Variants in MBTPS1 observed in about 807,000 individuals in gnomAD.
The protein encoded by MBTPS1 is membrane-bound transcription factor site-1 protease.
Under a neutral mutation model 127.8 loss-of-function variants are expected in MBTPS1, and 94 were observed. The observed-to-expected ratio is 0.74, with a 90% CI of 0.62 to 0.87. MBTPS1 has a LOEUF of 0.87. MBTPS1 is among the 40% of genes least tolerant of loss of function. The pLI is 0.00. For missense variants in MBTPS1, 1,636 were observed against 1,353.2 expected, an observed-to-expected ratio of 1.21 and a Z score of -3.28; for synonymous variants, 632 against 509.4, an observed-to-expected ratio of 1.24 and a Z score of -3.24.
intron 1 of MBTPS1, among the ~76,000 whole-genome samples, chr16:84,105,224 T>G (rs1166441398): frequency 1.3e-5 from 2 of 152,154 alleles, no homozygotes; most frequent in African/African-American, 4.8e-5. Flanking sequence ...TCATAAGACA[T>G]TTTACCTTAA....
chr16:84,109,241 G>T (rs774309365), intron 1 of MBTPS1, among the ~76,000 whole-genome samples: 1 of 152,206 alleles, frequency 6.6e-6, no homozygotes, highest in Non-Finnish European at 1.5e-5. Flanking sequence ...AGTGTCCAAG[G>T]AACATGGAAG....
chr16:84,067,455 C>A (rs764277302), intron 16 of MBTPS1, among the ~76,000 whole-genome samples: 9 of 152,150 alleles, frequency 5.9e-5, no homozygotes, highest in African/African-American at 2.2e-4. Context: ...CAGGTTCAAC[C>A]GATCTGCCCA....
In MBTPS1 at chr16:84,066,499, G is replaced by A. The variant is rs2085685230; in HGVS notation, c.2343C>T (p.Ala781=). ...GAAACAGAGCCTTACTGTCATGGTT[G>A]GCCAGGGTGAACTCCCCTTCATACA... is the stretch of plus-strand genomic sequence containing the variant. The part of the protein sequence containing the change: ...DGLYEGEFTL[A]NHDMYYASGC... Residue 781 remains alanine (A), a synonymous_variant, in exon 17 of 23, where the codon GCC becomes GCT. Coordinates refer to ENST00000343411, the MANE Select transcript of MBTPS1 (RefSeq NM_003791.4). 1 of 1,613,922 alleles carries A rather than the reference G, an allele frequency of 6.2e-7. No homozygotes were observed. Among genetic ancestry groups the A allele is most frequent in the Non-Finnish European group, 8.5e-7 (1 of 1,179,892 alleles).
At position 84,093,214 on chromosome 16, in the gene MBTPS1, T is replaced by G; in HGVS notation, c.820A>C (p.Ile274Leu). The change falls in exon 6 of 23, where the codon ATT becomes CTT. Residue 274 changes from isoleucine to leucine, a missense_variant. Physicochemically the swap from Ile to Leu is conservative, Grantham distance 5. Transcript: ENST00000343411. ...TGATTATTGGTAAAGACCCTGAAAATGTGAAGTTCTGCATCTGGAGCAAAT... is the reference window on the plus strand; with the variant it reads ...TGATTATTGGTAAAGACCCTGAAAAGGTGAAGTTCTGCATCTGGAGCAAAT... ...QGFAPDAELH[I>L]FRVFTNNQVS... The G allele has an allele frequency of 6.2e-7, 1 of 1,613,558 alleles. No individual in the cohort carries two copies. Among genetic ancestry groups the G allele is most frequent in the Non-Finnish European group, 8.5e-7 (1 of 1,179,462 alleles).
At position 84,068,469 on chromosome 16, in the gene MBTPS1, GC is replaced by G; in HGVS notation, c.1956-16del. 1 of 1,516,122 alleles carries G rather than the reference GC, an allele frequency of 6.6e-7. No individual in the cohort carries two copies. The highest frequency in any genetic ancestry group is 9.2e-7 in the Non-Finnish European group (1 of 1,090,658). 93.9% of individuals were successfully genotyped at this position (1,516,122 alleles called of 1,614,324 possible). A position where few individuals can be genotyped will look rare whatever the true frequency, so the allele number is the denominator to read the frequency against. Reference sequence around the variant, plus strand: ...GATCACCATTCCTGAAAAACAATAGGCCACAGCATTAAAATGATCGATCTTT... The same window carrying G: ...GATCACCATTCCTGAAAAACAATAGGCACAGCATTAAAATGATCGATCTTT... On this transcript the variant is annotated splice_polypyrimidine_tract_variant and intron_variant, in intron 14 of 22. Transcript: ENST00000343411.
chr16:84,107,008 C>T (rs1178911104), intron 1 of MBTPS1, among the ~76,000 whole-genome samples: 1 of 152,174 alleles, frequency 6.6e-6, no homozygotes, highest in African/African-American at 2.4e-5. Flanking sequence ...TTGGGAGACA[C>T]CAGCAGGAGC....
chr16:84,116,791 A>T lies in MBTPS1; in HGVS notation c.-381T>A, dbSNP rs1001494448. On this transcript the variant is annotated 5_prime_UTR_variant, in exon 1 of 23. Transcript: ENST00000343411. ...CCGGGATAACGGCGCCTCCGCGGCG[A>T]ACACGCCTGGGCACTCCATTCGGGG... 4 of 152,238 alleles carry T rather than the reference A, an allele frequency of 2.6e-5. No individual in the cohort carries two copies. The South Asian group carries it at 8.3e-4, about 32-fold the overall frequency. 9.4% of individuals were successfully genotyped at this position (152,238 alleles called of 1,614,324 possible).
At chr16:84,074,237 C>T (rs942024395) in intron 12 of MBTPS1, among the ~76,000 whole-genome samples, 4 of 144,396 alleles carry the variant, frequency 2.8e-5, no homozygotes, top group Non-Finnish European at 6.1e-5. Flanking sequence ...GGGCTATTTC[C>T]TTTTTTTTTT....
chr16:84,081,623 C>G (rs2085940760), intron 11 of MBTPS1, 124 bp downstream of exon 11: 4 of 755,390 alleles, frequency 5.3e-6, no homozygotes, highest in Non-Finnish European at 7.6e-6. Context: ...CCTCTCCAAG[C>G]ACCCCGAGAA....
rs2086222226 is a variant in MBTPS1, at chr16:84,099,282, A to C, written c.192T>G (p.Phe64Leu). 1 of 1,614,016 alleles carries C rather than the reference A, an allele frequency of 6.2e-7. No homozygotes were observed. Among genetic ancestry groups the C allele is most frequent in the African/African-American group, 1.3e-5 (1 of 74,932 alleles). ...TAAATGAATTTCTAGCTTTGGCTGT[A>C]AAGTATCCATTGAAAGCCACAATAT... ...YEYIVAFNGYFTAKARNSFIS... is the reference protein window; with the variant it reads ...YEYIVAFNGYLTAKARNSFIS... The change falls in exon 3 of 23, where the codon TTT becomes TTG. Residue 64 changes from phenylalanine (F) to leucine (L), a missense_variant. Transcript: ENST00000343411.
intron 11 of MBTPS1, among the ~76,000 whole-genome samples, chr16:84,080,883 C>T (rs1292051740): frequency 6.6e-6 from 1 of 152,232 alleles, no homozygotes; most frequent in African/African-American, 2.4e-5. Flanking sequence ...TTGACGTCTG[C>T]TTCTTGGAGG....
intron 1 of MBTPS1, among the ~76,000 whole-genome samples, chr16:84,104,037 A>G (rs1055355356): frequency 6.6e-6 from 1 of 152,224 alleles, no homozygotes; most frequent in Non-Finnish European, 1.5e-5. Flanking sequence ...CCTACTTCTT[A>G]GTTTCTTTAT....
At chr16:84,085,482 G>C (rs1011709933) in intron 9 of MBTPS1, among the ~76,000 whole-genome samples, 1 of 151,878 alleles carries the variant, frequency 6.6e-6, no homozygotes, top group Non-Finnish European at 1.5e-5. Context: ...CTGAGCCCGG[G>C]AGGTCAAGGC....
In MBTPS1 at chr16:84,098,650, A is replaced by G. The variant is rs376886009; in HGVS notation, c.421+403T>C. 9.3e-4 allele frequency among the ~76,000 whole-genome samples: 141 copies of G among 152,200 alleles called. 4 individuals carry two copies. In the South Asian group the frequency reaches 0.027, roughly 29 times the overall value. Reference sequence around the variant, plus strand: ...AAAAGGAAAAGAAAAAATAAAACACACACTGAGAGAAGCGAAATGCAAGGA... The same window carrying G: ...AAAAGGAAAAGAAAAAATAAAACACGCACTGAGAGAAGCGAAATGCAAGGA... On this transcript the variant is annotated intron_variant, in intron 3 of 22. Transcript: ENST00000343411.
chr16:84,070,440 G>A (rs1436394230), intron 13 of MBTPS1, 148 bp downstream of exon 13: 2 of 748,830 alleles, frequency 2.7e-6, no homozygotes, highest in Non-Finnish European at 4.3e-6. Flanking sequence ...CTGCTCCGGA[G>A]GCCCTGGAAC....
chr16:84,073,792 G>C (rs2085809345), intron 12 of MBTPS1, among the ~76,000 whole-genome samples: 1 of 152,096 alleles, frequency 6.6e-6, no homozygotes, highest in Non-Finnish European at 1.5e-5. Context: ...ATCACCTGAA[G>C]TCAGGAATTC....
chr16:84,083,984 G>C (rs71404148), intron 10 of MBTPS1, among the ~76,000 whole-genome samples: 19,713 of 152,258 alleles, frequency 0.13, 1,475 homozygotes, highest in Non-Finnish European at 0.18. Context: ...GATTGAGACA[G>C]AGTGTTGCTC....
In MBTPS1 at chr16:84,093,955, ATAAGT is replaced by A. The variant is rs762470786; in HGVS notation, c.626-139_626-135del. On this transcript the variant is annotated intron_variant, in intron 4 of 22. Coordinates refer to ENST00000343411, the MANE Select transcript of MBTPS1 (RefSeq NM_003791.4). ...GGAAGGCCAAAGCTGCTCAGAGCAA[ATAAGT>A]TAGGTCAGCTGCTCCCAGGGTCAGC... is the stretch of plus-strand genomic sequence containing the variant. 314 of 683,752 alleles carry A rather than the reference ATAAGT, an allele frequency of 4.6e-4. 1 individual carries two copies. The highest frequency in any genetic ancestry group is 7.1e-4 in the Non-Finnish European group (277 of 389,272). The allele number at this position is 683,752 out of a possible 1,614,324, so 42.4% of individuals were successfully genotyped here. A position where few individuals can be genotyped will look rare whatever the true frequency, so the allele number is the denominator to read the frequency against.
chr16:84,104,870 G>C (rs1015504377), intron 1 of MBTPS1, among the ~76,000 whole-genome samples: 2 of 152,026 alleles, frequency 1.3e-5, no homozygotes, highest in Non-Finnish European at 2.9e-5. Flanking sequence ...GAGGCCAGGA[G>C]TTAGAGACCA....
Sources: gnomAD v4.1 joint callset for allele counts (sites outside exome capture counted in the v4.1 genomes callset) on GRCh38, gnomAD v4.1.1 for gene constraint, MANE v1.5 for transcripts, NCBI Gene and HGNC (gene_info 2026-07-23, HGNC 2026-07-21) for gene names.